Variants in COLGALT2 observed in about 807,000 individuals in gnomAD.
COLGALT2 encodes the protein collagen beta(1-O)galactosyltransferase 2, also known as procollagen galactosyltransferase 2.
A neutral mutation model predicts 73.4 loss-of-function variants in COLGALT2; 49 were observed. That is an observed-to-expected ratio of 0.67 (90% CI 0.53 to 0.85). The LOEUF (loss-of-function observed/expected upper bound fraction) is 0.85. COLGALT2 is among the 40% of genes least tolerant of loss of function. The pLI, the probability that COLGALT2 is intolerant of heterozygous loss-of-function variation, is 0.00. For missense variants in COLGALT2, 722 were observed against 790.2 expected, an observed-to-expected ratio of 0.91 and a Z score of 1.03; for synonymous variants, 295 against 307.6, an observed-to-expected ratio of 0.96 and a Z score of 0.43.
intron 6 of COLGALT2, among the ~76,000 whole-genome samples, chr1:183,963,699 G>A (rs1326888339): frequency 1.3e-5 from 2 of 152,204 alleles, no homozygotes; most frequent in Non-Finnish European, 2.9e-5. Context: ...AGGATGGGAA[G>A]CTCCCACATG....
At chr1:184,000,639 A>G (rs1671894536) in intron 1 of COLGALT2, among the ~76,000 whole-genome samples, 1 of 151,846 alleles carries the variant, frequency 6.6e-6, no homozygotes, top group Non-Finnish European at 1.5e-5. Flanking sequence ...TTCATCATAG[A>G]TTTCTGCATC....
chr1:183,943,120 T>C (rs1670158848), intron 10 of COLGALT2, among the ~76,000 whole-genome samples: 1 of 152,222 alleles, frequency 6.6e-6, no homozygotes, highest in Non-Finnish European at 1.5e-5. Context: ...CCAAACCACA[T>C]GACCACATGA....
At chr1:183,954,575 T>C (rs1393567058) in intron 7 of COLGALT2, among the ~76,000 whole-genome samples, 187 bp downstream of exon 7, 5 of 152,250 alleles carry the variant, frequency 3.3e-5, no homozygotes, top group Non-Finnish European at 7.3e-5. Flanking sequence ...ATCATGATAC[T>C]CCTTTTTTTA....
At chr1:183,949,811 G>A (rs1038179981) in intron 8 of COLGALT2, among the ~76,000 whole-genome samples, 5 of 152,144 alleles carry the variant, frequency 3.3e-5, no homozygotes, top group African/African-American at 1.2e-4. Flanking sequence ...TAAAGTTAAA[G>A]AAAATATTTG....
Position 183,945,494 on chromosome 1 carries a change from A to T in COLGALT2, c.1207T>A (p.Ser403Thr). The T allele has an allele frequency of 6.2e-7, 1 of 1,614,172 alleles. No homozygotes were observed. The highest frequency in any genetic ancestry group is 8.5e-7 in the Non-Finnish European group (1 of 1,180,024). ...MLPGYRDPYS[S>T]RPLTRGEIGC... ...ATTTCACCCCTTGTTAGAGGCCTGG[A>T]GGAATAGGGATCTCGATAGCCAGGC... The change falls in exon 9 of 12, where the codon TCC becomes ACC. Residue 403 changes from serine (S) to threonine (T), a missense_variant. By Grantham distance (58) the Ser-to-Thr change is moderately conservative (BLOSUM62 1). Coordinates refer to ENST00000361927, the MANE Select transcript of COLGALT2 (RefSeq NM_015101.4).
chr1:183,948,426 T>C (rs1670304640), intron 8 of COLGALT2, among the ~76,000 whole-genome samples: 1 of 152,178 alleles, frequency 6.6e-6, no homozygotes, highest in Non-Finnish European at 1.5e-5. Flanking sequence ...TGGTTTAACA[T>C]GTGAAAACCA....
chr1:183,978,573 G>T, intron 1 of COLGALT2, 53 bp from the exon 2 acceptor site: 2 of 1,168,552 alleles, frequency 1.7e-6, no homozygotes, highest in South Asian at 1.3e-5. Flanking sequence ...ATGAAAGAGA[G>T]GGAAATCCAA....
intron 1 of COLGALT2, among the ~76,000 whole-genome samples, chr1:184,011,328 G>A (rs577374430): frequency 6.6e-6 from 1 of 152,256 alleles, no homozygotes; most frequent in East Asian, 1.9e-4. Flanking sequence ...TTCATTTCAG[G>A]GCCATTCTCC....
chr1:183,954,523 C>G (rs1670500477), intron 7 of COLGALT2, among the ~76,000 whole-genome samples: 1 of 152,250 alleles, frequency 6.6e-6, no homozygotes, highest in Non-Finnish European at 1.5e-5. Context: ...ACTTTCATTA[C>G]TAAATGGTAA....
At chr1:183,966,178 T>C (rs910820575) in intron 5 of COLGALT2, among the ~76,000 whole-genome samples, 4 of 152,220 alleles carry the variant, frequency 2.6e-5, no homozygotes, top group Admixed American at 6.5e-5. Flanking sequence ...TTCAACCATG[T>C]GCATGGGCAG....
downstream of COLGALT2, among the ~76,000 whole-genome samples, chr1:183,935,519 T>C (rs540859932): frequency 2.0e-5 from 3 of 152,342 alleles, no homozygotes; most frequent in East Asian, 5.8e-4. Flanking sequence ...AGTATCTCAG[T>C]ATCTTTTGAT....
At chr1:183,932,504 C>G (rs184802985), downstream of COLGALT2, among the ~76,000 whole-genome samples, 3 of 152,044 alleles carry the variant, frequency 2.0e-5, no homozygotes, top group East Asian at 1.9e-4. Context: ...ATGGTCCAGA[C>G]GTGAAACTCT....
At chr1:183,962,762 G>C (rs1019843777) in intron 6 of COLGALT2, among the ~76,000 whole-genome samples, 4 of 152,172 alleles carry the variant, frequency 2.6e-5, no homozygotes, top group Admixed American at 6.5e-5. Context: ...CACTGCCCAT[G>C]CATCCCATGC....
chr1:184,011,261 C>T (rs1672226621), intron 1 of COLGALT2, among the ~76,000 whole-genome samples: 1 of 152,176 alleles, frequency 6.6e-6, no homozygotes, highest in Non-Finnish European at 1.5e-5. Context: ...GGTGCCAGCC[C>T]CGTGGTTTGC....
chr1:183,950,600 T>C (rs1168646327), intron 8 of COLGALT2, among the ~76,000 whole-genome samples: 1 of 151,970 alleles, frequency 6.6e-6, no homozygotes, highest in African/African-American at 2.4e-5. Context: ...CAACAGGAAA[T>C]GTACACCTTT....
intron 2 of COLGALT2, among the ~76,000 whole-genome samples, chr1:183,978,121 G>A (rs1671255659): frequency 6.6e-6 from 1 of 152,056 alleles, no homozygotes; most frequent in African/African-American, 2.4e-5. Flanking sequence ...ATAAAAGTTT[G>A]TTTAAAATAT....
At position 184,009,800 on chromosome 1, in the gene COLGALT2, A is replaced by T. The variant is rs182689677; in HGVS notation, c.263+27295T>A. On this transcript the variant is annotated intron_variant, in intron 1 of 11. Coordinates refer to ENST00000361927, the MANE Select transcript of COLGALT2 (RefSeq NM_015101.4). ...TTTGCAATTATTATGGTATTTTAAAAATCTGACTTCTCTTCCTGCCTCTTG... is the reference window on the plus strand; with the variant it reads ...TTTGCAATTATTATGGTATTTTAAATATCTGACTTCTCTTCCTGCCTCTTG... Among the ~76,000 whole-genome samples the T allele has an allele frequency of 2.4e-3, 364 of 152,358 alleles. 2 individuals are homozygous for T. The highest frequency in any genetic ancestry group is 8.4e-3 in the African/African-American group (351 of 41,584).
At chr1:184,010,541 T>A (rs1039571777) in intron 1 of COLGALT2, among the ~76,000 whole-genome samples, 1 of 152,176 alleles carries the variant, frequency 6.6e-6, no homozygotes, top group East Asian at 1.9e-4. Flanking sequence ...AAATAATATG[T>A]TTTCTAGAAA....
intron 1 of COLGALT2, among the ~76,000 whole-genome samples, chr1:184,021,007 G>A (rs1454198606): frequency 3.9e-5 from 6 of 152,034 alleles, no homozygotes; most frequent in Admixed American, 1.3e-4. Flanking sequence ...CTGAAGTGCC[G>A]TTTATAATCT....
Sources: allele counts gnomAD v4.1 joint callset (sites outside exome capture counted in the v4.1 genomes callset), GRCh38; gene constraint gnomAD v4.1.1; transcripts MANE v1.5; gene names NCBI Gene and HGNC (gene_info 2026-07-23, HGNC 2026-07-21).